IGF2R: variants seen among roughly 807,000 people sequenced by gnomAD.
The protein encoded by IGF2R is insulin like growth factor 2 receptor, also known as cation-independent mannose-6-phosphate receptor.
Under a neutral mutation model 270.6 loss-of-function variants are expected in IGF2R, and 91 were observed. The observed-to-expected ratio is 0.34, with a 90% CI of 0.28 to 0.40. IGF2R has a LOEUF of 0.40. IGF2R is among the 10% of genes least tolerant of loss of function. The pLI is 1.00. For synonymous variants in IGF2R, 1,316 were observed against 1,258.9 expected, an observed-to-expected ratio of 1.05 and a Z score of -0.96; for missense variants, 2,805 against 3,188.3, an observed-to-expected ratio of 0.88 and a Z score of 2.90.
chr6:160,034,308 G>A (rs546196596), intron 9 of IGF2R, 111 bp from the exon 10 acceptor site: 10 of 643,826 alleles, frequency 1.6e-5, no homozygotes, highest in East Asian at 2.7e-5. Flanking sequence ...TTTTAGATCC[G>A]TAGTGATTTG....
rs1491201647 is a variant in IGF2R at position 160,105,904 on chromosome 6, T to TG, written c.*820_*821insG. On this transcript the variant is annotated 3_prime_UTR_variant, in exon 48 of 48. Transcript: ENST00000356956. ...ACCTGCCCAAAGATTGATTTGTGTG[T>TG]TTGTGTGTGTGTGTGTGTGTGTGTG... 1.0e-3 allele frequency: 109 copies of TG among 108,320 alleles called. No homozygotes were observed. Among genetic ancestry groups the TG allele is most frequent in the African/African-American group, 3.1e-3 (83 of 26,610 alleles). The allele number at this position is 108,320 out of a possible 1,614,324, so 6.7% of individuals were successfully genotyped here. A position where few individuals can be genotyped will look rare whatever the true frequency, so the allele number is the denominator to read the frequency against.
At chr6:160,075,582 A>C (rs1238293381) in intron 35 of IGF2R, among the ~76,000 whole-genome samples, 1 of 152,190 alleles carries the variant, frequency 6.6e-6, no homozygotes, top group African/African-American at 2.4e-5. Context: ...ATTGCTTAGG[A>C]TCTTTGAAAA....
In IGF2R at chr6:160,107,878, A is replaced by G. The variant is rs529227091; in HGVS notation, c.*2794A>G. Reference sequence around the variant, plus strand: ...AGGACAAAGAACTCTTTTTCCCTGAATCATTTGAGATGAAGTTTCTTCCCA... The same window carrying G: ...AGGACAAAGAACTCTTTTTCCCTGAGTCATTTGAGATGAAGTTTCTTCCCA... On this transcript the variant is annotated 3_prime_UTR_variant, in exon 48 of 48. Transcript: ENST00000356956. 2.0e-5 allele frequency: 3 copies of G among 152,386 alleles called. No individual in the cohort carries two copies. The highest frequency in any genetic ancestry group is 7.2e-5 in the African/African-American group (3 of 41,590). 9.4% of individuals were successfully genotyped at this position (152,386 alleles called of 1,614,324 possible).
At chr6:160,014,161 A>G (rs1174425399) in intron 4 of IGF2R, among the ~76,000 whole-genome samples, 2 of 152,212 alleles carry the variant, frequency 1.3e-5, no homozygotes, top group Non-Finnish European at 2.9e-5. Context: ...TCTTTAAAGC[A>G]TTGTGTAAAT....
intron 2 of IGF2R, among the ~76,000 whole-genome samples, chr6:160,002,291 T>C (rs911720761): frequency 4.6e-5 from 7 of 152,186 alleles, no homozygotes; most frequent in Admixed American, 4.6e-4. Context: ...CTTGGGAGGC[T>C]GAGGCAGGAG....
At chr6:159,972,642 G>T (rs1783627564) in intron 1 of IGF2R, among the ~76,000 whole-genome samples, 1 of 152,240 alleles carries the variant, frequency 6.6e-6, no homozygotes, top group Non-Finnish European at 1.5e-5. Context: ...TGCCTGCGAG[G>T]CACCTTGTGG....
intron 2 of IGF2R, 79 bp from the exon 3 acceptor site, chr6:160,008,931 T>C: frequency 7.0e-7 from 1 of 1,422,136 alleles, no homozygotes. Flanking sequence ...AATGCTACTT[T>C]TAATTTGCTT....
rs571020376 is a variant in IGF2R at position 159,988,507 on chromosome 6, C to T, written c.150-2677C>T. On this transcript the variant is annotated intron_variant, in intron 1 of 47. Coordinates refer to ENST00000356956, the MANE Select transcript of IGF2R (RefSeq NM_000876.4). ...CAGCCTGGGCGACAGAGTGAGACTCCGTCTCAAAAAAAAAAAAAAAAAAAA... is the reference window on the plus strand; with the variant it reads ...CAGCCTGGGCGACAGAGTGAGACTCTGTCTCAAAAAAAAAAAAAAAAAAAA... Among the ~76,000 whole-genome samples, 832 of 125,008 alleles carry T rather than the reference C, an allele frequency of 6.7e-3. 6 individuals carry two copies. Among genetic ancestry groups the T allele is most frequent in the African/African-American group, 0.024 (759 of 31,678 alleles). The allele number at this position is 125,008 out of a possible 152,430, so 82.0% of individuals were successfully genotyped here.
intron 44 of IGF2R, chr6:160,093,553 C>T (rs1343071716): frequency 2.2e-5 from 14 of 641,126 alleles, no homozygotes; most frequent in African/African-American, 5.5e-5. Flanking sequence ...GAGAACAGGA[C>T]GATTTCCAGG....
Position 160,010,672 on chromosome 6 carries a change from A to AT in IGF2R, c.415-6dup, listed in dbSNP as rs3215571. On this transcript the variant is annotated splice_polypyrimidine_tract_variant and intron_variant, in intron 3 of 47. Transcript: ENST00000356956. Reference sequence around the variant, plus strand: ...GTGGTATGGTAACATTATAATTACTATTTTTTTTTAATAGGGAACTCCTGA... The same window carrying AT: ...GTGGTATGGTAACATTATAATTACTATTTTTTTTTTAATAGGGAACTCCTGA... The AT allele has an allele frequency of 3.7e-3, 5,280 of 1,409,974 alleles. 34 individuals are homozygous for AT. The highest frequency in any genetic ancestry group is 0.032 in the African/African-American group (2,245 of 70,470). The allele number at this position is 1,409,974 out of a possible 1,614,324, so 87.3% of individuals were successfully genotyped here.
intron 29 of IGF2R, among the ~76,000 whole-genome samples, chr6:160,067,613 G>A (rs1158768034): frequency 1.3e-5 from 2 of 152,138 alleles, no homozygotes; most frequent in African/African-American, 4.8e-5. Flanking sequence ...AAGAGCTGCC[G>A]CTGAGGTGGC....
At chr6:160,030,697 AT>A (rs1376546193) in intron 7 of IGF2R, among the ~76,000 whole-genome samples, 4 of 152,042 alleles carry the variant, frequency 2.6e-5, no homozygotes, top group African/African-American at 9.7e-5. Context: ...GGTAAGAATC[AT>A]TTTACACTGT....
intron 9 of IGF2R, among the ~76,000 whole-genome samples, chr6:160,034,079 T>C (rs112083864): frequency 2.6e-5 from 4 of 152,354 alleles, no homozygotes; most frequent in African/African-American, 9.6e-5. Flanking sequence ...GGCACGGCTG[T>C]GTTCATGGCG....
intron 45 of IGF2R, among the ~76,000 whole-genome samples, chr6:160,101,673 C>CTG (rs375644704): frequency 6.6e-6 from 1 of 152,208 alleles, no homozygotes; most frequent in African/African-American, 2.4e-5. Flanking sequence ...GATCCTGTTC[C>CTG]TGTGTGTGTG....
intron 4 of IGF2R, among the ~76,000 whole-genome samples, chr6:160,012,764 T>TATATATATATATATATA (rs538085462): frequency 6.6e-5 from 4 of 60,416 alleles, no homozygotes; most frequent in East Asian, 7.5e-4. Flanking sequence ...TATATATATA[T>TATATATATATATATATA]TTTTTTTTTT....
Position 159,991,199 on chromosome 6 carries a change from T to C in IGF2R, c.165T>C (p.Ala55=), listed in dbSNP as rs1459229966. ...FPELCSYTWE[A]VDTKNNVLYK... Reference sequence around the variant, plus strand: ...TCCTTTCCAGTTATACATGGGAAGCTGTTGATACCAAAAATAATGTACTTT... The same window carrying C: ...TCCTTTCCAGTTATACATGGGAAGCCGTTGATACCAAAAATAATGTACTTT... The change falls in exon 2 of 48, where the codon GCT becomes GCC. Residue 55 remains alanine (A), a synonymous_variant. Coordinates refer to ENST00000356956, the MANE Select transcript of IGF2R (RefSeq NM_000876.4). 5 of 1,611,558 alleles carry C rather than the reference T, an allele frequency of 3.1e-6. No homozygotes were observed. Among genetic ancestry groups the C allele is most frequent in the Non-Finnish European group, 4.2e-6 (5 of 1,178,778 alleles).
At position 160,045,975 on chromosome 6, in the gene IGF2R, C is replaced by T. The variant is rs140423503; in HGVS notation, c.1903+93C>T. On this transcript the variant is annotated intron_variant, in intron 14 of 47. Transcript: ENST00000356956. ...TCTGTGTGAGGTTTTCAAGGTGACC[C>T]GCCTTAGAATTTTATTCATGCTGTT... 265 of 1,161,364 alleles carry T rather than the reference C, an allele frequency of 2.3e-4. 2 individuals carry two copies. The East Asian group carries it at 2.8e-3, about 12-fold the overall frequency. The allele number at this position is 1,161,364 out of a possible 1,614,324, so 71.9% of individuals were successfully genotyped here. A position where few individuals can be genotyped will look rare whatever the true frequency, so the allele number is the denominator to read the frequency against.
At chr6:160,076,398 C>T (rs1350355489) in intron 36 of IGF2R, among the ~76,000 whole-genome samples, 1 of 152,110 alleles carries the variant, frequency 6.6e-6, no homozygotes, top group African/African-American at 2.4e-5. Flanking sequence ...TAACAAAAGA[C>T]CCCTGGAATC....
intron 41 of IGF2R, among the ~76,000 whole-genome samples, chr6:160,087,329 A>G (rs2114728293): frequency 6.6e-6 from 1 of 152,310 alleles, no homozygotes; most frequent in East Asian, 1.9e-4. Context: ...TGGAGCGATA[A>G]TGAAGGCTGC....
Sources: allele counts gnomAD v4.1 joint callset (sites outside exome capture counted in the v4.1 genomes callset), GRCh38; gene constraint gnomAD v4.1.1; transcripts MANE v1.5; gene names NCBI Gene and HGNC (gene_info 2026-07-23, HGNC 2026-07-21).